GUCY1A1: variants seen among roughly 807,000 people sequenced by gnomAD.
GUCY1A1 encodes the protein guanylate cyclase 1 soluble subunit alpha 1.
In GUCY1A1, 48 loss-of-function variants were observed where a neutral mutation model predicts 64.5. That is an observed-to-expected ratio of 0.74 (90% confidence interval 0.59 to 0.95). GUCY1A1 has a LOEUF of 0.95. Ranked by LOEUF, GUCY1A1 falls within the 40% of genes least tolerant of loss-of-function variation. GUCY1A1 has a pLI of 0.00. For missense variants in GUCY1A1, 804 were observed against 825.3 expected (o/e 0.97, Z 0.32); for synonymous variants, 308 against 303.4 (o/e 1.02, Z -0.16).
intron 9 of GUCY1A1, among the ~76,000 whole-genome samples, chr4:155,729,261 T>A (rs1735201515): frequency 6.6e-6 from 1 of 151,812 alleles, no homozygotes; most frequent in Non-Finnish European, 1.5e-5. Context: ...AATATTAGGT[T>A]AGAGAGAAGG....
intron 2 of GUCY1A1, among the ~76,000 whole-genome samples, chr4:155,681,919 AG>A (rs1735826958): frequency 6.6e-6 from 1 of 152,206 alleles, no homozygotes; most frequent in African/African-American, 2.4e-5. Flanking sequence ...CCTCAGTTCA[AG>A]ATCCATGTAT....
intron 8 of GUCY1A1, 58 bp from the exon 9 acceptor site, chr4:155,721,980 G>C (rs1734017847): frequency 4.3e-6 from 5 of 1,162,776 alleles, no homozygotes; most frequent in Admixed American, 1.7e-5. Flanking sequence ...AAACGACACT[G>C]ACGAGTAGGA....
chr4:155,696,060 G>A (rs1295950066), intron 2 of GUCY1A1, among the ~76,000 whole-genome samples: 2 of 152,152 alleles, frequency 1.3e-5, no homozygotes, highest in Non-Finnish European at 2.9e-5. Flanking sequence ...ACTCACCGCA[G>A]TCTAGATTTG....
Position 155,711,135 on chromosome 4 carries a change from T to G in GUCY1A1, c.970T>G (p.Phe324Val), listed in dbSNP as rs1254964525. 9 of 1,613,472 alleles carry G rather than the reference T, an allele frequency of 5.6e-6. No homozygotes were observed. Among genetic ancestry groups the G allele is most frequent in the Admixed American group, 1.7e-5 (1 of 60,004 alleles). Residue 324 changes from phenylalanine (F) to valine (V), a missense_variant, in exon 6 of 10, where the codon TTT becomes GTT. Phe to Val is a conservative substitution (Grantham distance 50). Coordinates refer to ENST00000506455, the MANE Select transcript of GUCY1A1 (RefSeq NM_001130682.3). Reference protein sequence around the residue: ...FQGKPNFEEYFEILTPKINQT... With the variant: ...FQGKPNFEEYVEILTPKINQT... ...AGGAAAGCCTAATTTTGAAGAATAC[T>G]TTGAAATTCTGACTCCAAAAATCAA...
At chr4:155,707,166 C>G (rs1354021789) in intron 4 of GUCY1A1, among the ~76,000 whole-genome samples, 1 of 152,112 alleles carries the variant, frequency 6.6e-6, no homozygotes, top group Non-Finnish European at 1.5e-5. Context: ...TCTTGGTTAT[C>G]AGAATTACCA....
intron 2 of GUCY1A1, among the ~76,000 whole-genome samples, chr4:155,670,511 T>C (rs1365639018): frequency 2.0e-5 from 3 of 152,224 alleles, no homozygotes; most frequent in Non-Finnish European, 2.9e-5. Flanking sequence ...TCTTCTTCCC[T>C]GGGTTCATGC....
chr4:155,717,128 A>G, intron 7 of GUCY1A1, 31 bp from the exon 8 acceptor site: 1 of 1,348,410 alleles, frequency 7.4e-7, no homozygotes, highest in South Asian at 2.1e-5. Flanking sequence ...CTGAGCATTT[A>G]TTTATAGTAT....
In GUCY1A1 at chr4:155,699,691, A is replaced by C. The variant is rs1263925644; in HGVS notation, c.255+2569A>C. ...TGCTTATCTTTGATAAATACTTGTT[A>C]TGTTTTTTTACTGATTATTTGTTAA... On this transcript the variant is annotated intron_variant, in intron 3 of 9. Coordinates refer to ENST00000506455, the MANE Select transcript of GUCY1A1 (RefSeq NM_001130682.3). 2.6e-5 allele frequency among the ~76,000 whole-genome samples: 4 copies of C among 152,236 alleles called. No individual in the cohort carries two copies. In the East Asian group the frequency reaches 7.7e-4, roughly 29 times the overall value.
intron 9 of GUCY1A1, among the ~76,000 whole-genome samples, chr4:155,727,628 G>C (rs1274630523): frequency 6.6e-6 from 1 of 151,416 alleles, no homozygotes; most frequent in East Asian, 1.9e-4. Flanking sequence ...TTATTTATTA[G>C]ACTCTTATAG....
At chr4:155,695,267 C>A (rs1469206882) in intron 2 of GUCY1A1, among the ~76,000 whole-genome samples, 1 of 151,840 alleles carries the variant, frequency 6.6e-6, no homozygotes, top group Non-Finnish European at 1.5e-5. Context: ...TTGTTCTAAA[C>A]TTATTAGATG....
chr4:155,686,506 A>C (rs1265847782), intron 2 of GUCY1A1, among the ~76,000 whole-genome samples: 1 of 152,232 alleles, frequency 6.6e-6, no homozygotes, highest in Non-Finnish European at 1.5e-5. Flanking sequence ...CACTGAATCC[A>C]TATTTAGAAG....
chr4:155,712,103 A>G (rs1002126437), intron 6 of GUCY1A1, among the ~76,000 whole-genome samples: 1 of 152,084 alleles, frequency 6.6e-6, no homozygotes, highest in African/African-American at 2.4e-5. Context: ...TTGGAGTCTT[A>G]GTGGTATCCC....
chr4:155,706,901 C>CA (rs1731854457), intron 4 of GUCY1A1, among the ~76,000 whole-genome samples: 1 of 152,020 alleles, frequency 6.6e-6, no homozygotes, highest in Non-Finnish European at 1.5e-5. Flanking sequence ...GTTAAAACTG[C>CA]AAAAAAATCT....
At position 155,722,183 on chromosome 4, in the gene GUCY1A1, C is replaced by T; in HGVS notation, c.1862C>T (p.Thr621Ile). The T allele has an allele frequency of 6.2e-7, 1 of 1,612,240 alleles. No individual in the cohort carries two copies. The highest frequency in any genetic ancestry group is 8.5e-7 in the Non-Finnish European group (1 of 1,178,718). ...CCACGAAAAATCAATGTCAGCCCAA[C>T]AACTTACAGGTAGTAATTATGTTAA... is the stretch of plus-strand genomic sequence containing the variant. Reference protein sequence around the residue: ...SVPRKINVSPTTYRLLKDCPG... With the variant: ...SVPRKINVSPITYRLLKDCPG... Residue 621 changes from threonine to isoleucine, a missense_variant, in exon 9 of 10, where the codon ACA becomes ATA. Coordinates refer to ENST00000506455, the MANE Select transcript of GUCY1A1 (RefSeq NM_001130682.3).
chr4:155,678,618 G>C (rs756321149), intron 2 of GUCY1A1, among the ~76,000 whole-genome samples: 2 of 152,170 alleles, frequency 1.3e-5, no homozygotes, highest in East Asian at 3.8e-4. Flanking sequence ...AATGGAACCG[G>C]TATTTGTAGC....
intron 7 of GUCY1A1, 87 bp downstream of exon 7, chr4:155,713,670 C>T: frequency 1.4e-6 from 2 of 1,414,788 alleles, no homozygotes; most frequent in Non-Finnish European, 1.9e-6. Flanking sequence ...TATAATGCAA[C>T]TGAAAGGCCA....
At chr4:155,684,998 G>A (rs1728793480) in intron 2 of GUCY1A1, among the ~76,000 whole-genome samples, 1 of 152,122 alleles carries the variant, frequency 6.6e-6, no homozygotes, top group Non-Finnish European at 1.5e-5. Flanking sequence ...AGGGGAACTT[G>A]AATAATAATC....
chr4:155,707,786 G>A (rs1404964836), intron 4 of GUCY1A1, among the ~76,000 whole-genome samples: 2 of 151,278 alleles, frequency 1.3e-5, no homozygotes, highest in African/African-American at 4.8e-5. Flanking sequence ...TGATAGTCAA[G>A]ATTTGCTTCT....
At chr4:155,689,649 C>T (rs1729477731) in intron 2 of GUCY1A1, among the ~76,000 whole-genome samples, 1 of 152,156 alleles carries the variant, frequency 6.6e-6, no homozygotes, top group South Asian at 2.1e-4. Context: ...TTCAAAGATG[C>T]CACAGAATTG....
Sources: gnomAD v4.1 joint callset for allele counts (sites outside exome capture counted in the v4.1 genomes callset) on GRCh38, gnomAD v4.1.1 for gene constraint, MANE v1.5 for transcripts, NCBI Gene and HGNC (gene_info 2026-07-23, HGNC 2026-07-21) for gene names.